Variants in GPR89B observed in about 807,000 individuals in gnomAD.
GPR89B encodes golgi pH regulator B.
Under a neutral mutation model 52.4 loss-of-function variants are expected in GPR89B, and 25 were observed. The ratio of observed to expected loss-of-function variants is 0.48; its 90% CI spans 0.35 to 0.67. The LOEUF (loss-of-function observed/expected upper bound fraction) is 0.67. Ranked by LOEUF, GPR89B falls within the 30% of genes least tolerant of loss-of-function variation. The probability of loss-of-function intolerance (pLI) is 0.01; values close to 1 mark genes in which losing one functional copy is unlikely to be tolerated. For missense variants in GPR89B, 146 were observed against 450.2 expected (o/e 0.32, Z 6.11); for synonymous variants, 52 against 151.2 (o/e 0.34, Z 4.81).
the GPR89B span, among the ~76,000 whole-genome samples, chr1:148,021,489 G>A: frequency 1.3e-5 from 2 of 151,830 alleles, no homozygotes; most frequent in Admixed American, 6.5e-5. Flanking sequence ...GTGACAGAGC[G>A]AGACTCCCCG....
chr1:147,943,855 A>G lies in GPR89B; in HGVS notation c.314-142A>G, dbSNP rs1399027492. ...CTCTTACGATGGTAAGGATGCTTTC[A>G]CTAAAAATTATGCTGTTCATCAGTC... On this transcript the variant is annotated intron_variant, in intron 4 of 13. Coordinates refer to ENST00000314163, the MANE Select transcript of GPR89B (RefSeq NM_016334.5). The G allele has an allele frequency of 1.0e-4, 70 of 678,616 alleles. No homozygotes were observed. In the Middle Eastern group the frequency reaches 1.2e-3, roughly 12 times the overall value. The allele number at this position is 678,616 out of a possible 1,614,324, so 42.0% of individuals were successfully genotyped here.
rs1297404599 is a variant in GPR89B, at chr1:147,956,862, C to T, written c.617+2460C>T. On this transcript the variant is annotated intron_variant, in intron 7 of 13. Transcript: ENST00000314163. ...AAGCAATTCTCCTGCCTCAGCCTCC[C>T]GAGTATCTGGGATTATAGGTGCGCA... Among the ~76,000 whole-genome samples the T allele has an allele frequency of 1.8e-4, 28 of 151,850 alleles. 1 individual carries two copies. Among genetic ancestry groups the T allele is most frequent in the Admixed American group, 1.4e-3 (21 of 15,276 alleles).
chr1:147,944,553 A>T (rs2149045396), intron 5 of GPR89B, among the ~76,000 whole-genome samples: 2 of 121,334 alleles, frequency 1.6e-5, no homozygotes, highest in East Asian at 4.6e-4. Context: ...CCAAAAGGTA[A>T]ACGGCCACTG....
At chr1:147,940,231 G>A (rs1181413968) in intron 3 of GPR89B, among the ~76,000 whole-genome samples, 1 of 151,684 alleles carries the variant, frequency 6.6e-6, no homozygotes, top group Non-Finnish European at 1.5e-5. Flanking sequence ...GTGAAACCCC[G>A]TCTCTACTAA....
Position 147,946,467 on chromosome 1 carries a change from C to CAACGAAGGGAACGACTTGCACTA in GPR89B, c.415+2372_415+2394dup, listed in dbSNP as rs1654983974. On this transcript the variant is annotated intron_variant, in intron 5 of 13. Coordinates refer to ENST00000314163, the MANE Select transcript of GPR89B (RefSeq NM_016334.5). ...TGATCAGCATGCCTATGTCAATGGT[C>CAACGAAGGGAACGACTTGCACTA]AACGAAGGGAACGACTTGCACTAAA... Among the ~76,000 whole-genome samples the CAACGAAGGGAACGACTTGCACTA allele has an allele frequency of 2.0e-5, 3 of 152,150 alleles. No individual in the cohort carries two copies. The South Asian group carries it at 6.2e-4, about 32-fold the overall frequency.
chr1:148,023,125 T>TA, the GPR89B span, among the ~76,000 whole-genome samples: 1 of 150,878 alleles, frequency 6.6e-6, no homozygotes, highest in Non-Finnish European at 1.5e-5. Flanking sequence ...ACAGTGTCTA[T>TA]AGTTCTCAAG....
the GPR89B span, among the ~76,000 whole-genome samples, chr1:148,016,759 T>A: frequency 1.3e-5 from 2 of 151,566 alleles, no homozygotes; most frequent in Non-Finnish European, 2.9e-5. Flanking sequence ...AATAAATGCT[T>A]CCTTTCCTCC....
At chr1:147,982,367 A>T (rs1176156175) in intron 10 of GPR89B, among the ~76,000 whole-genome samples, 1 of 151,038 alleles carries the variant, frequency 6.6e-6, no homozygotes, top group African/African-American at 2.5e-5. Flanking sequence ...GCCTATGTTT[A>T]ACCTTTTAAA....
At chr1:148,000,795 A>AC in the GPR89B span, among the ~76,000 whole-genome samples, 1 of 128,374 alleles carries the variant, frequency 7.8e-6, no homozygotes, top group African/African-American at 3.0e-5. Context: ...AAAAAAAAAA[A>AC]CAACAACAAA....
At chr1:147,963,377 A>T (rs1316030988) in intron 7 of GPR89B, among the ~76,000 whole-genome samples, 498 of 84,222 alleles carry the variant, frequency 5.9e-3, no homozygotes, top group African/African-American at 0.028. Context: ...CTCCTTCTTA[A>T]AAAAAAAAAA....
intron 1 of GPR89B, among the ~76,000 whole-genome samples, chr1:147,932,453 G>A (rs1381168953): frequency 9.2e-5 from 14 of 152,034 alleles, no homozygotes; most frequent in East Asian, 3.9e-4. Context: ...GTTTGCCAAC[G>A]CCAGGAGTTT....
chr1:147,999,374 C>T, the GPR89B span, among the ~76,000 whole-genome samples: 12 of 150,184 alleles, frequency 8.0e-5, no homozygotes, highest in Admixed American at 2.7e-4. Flanking sequence ...TTTGGGAGGC[C>T]GAGGCGGGCG....
At position 147,988,379 on chromosome 1, in the gene GPR89B, T is replaced by TA. The variant is rs1322648980; in HGVS notation, c.1006-52dup. ...AATGATTGGGATATAGCTTAGCCCT[T>TA]ACGTCTCTCTGAACAGAGATTTAGC... On this transcript the variant is annotated intron_variant, in intron 11 of 13. Transcript: ENST00000314163. 4.3e-5 allele frequency: 67 copies of TA among 1,558,400 alleles called. No individual in the cohort carries two copies. In the African/African-American group the frequency reaches 7.9e-4, roughly 18 times the overall value.
the GPR89B span, among the ~76,000 whole-genome samples, chr1:148,015,795 G>T: frequency 2.3e-3 from 350 of 149,304 alleles, 8 homozygotes; most frequent in African/African-American, 7.8e-3. Flanking sequence ...ATAGGATAGA[G>T]GTGCAATTAC....
chr1:147,952,748 T>A (rs1655815513), intron 5 of GPR89B, among the ~76,000 whole-genome samples: 1 of 151,726 alleles, frequency 6.6e-6, no homozygotes, highest in Admixed American at 6.6e-5. Flanking sequence ...TTCAGCATTC[T>A]CACGTGATAT....
At chr1:147,944,909 T>C (rs188996871) in intron 5 of GPR89B, among the ~76,000 whole-genome samples, 48 of 152,182 alleles carry the variant, frequency 3.2e-4, no homozygotes, top group Admixed American at 2.3e-3. Context: ...TATATATATA[T>C]ACCTCTTTAT....
intron 5 of GPR89B, among the ~76,000 whole-genome samples, chr1:147,950,241 C>T (rs587595747): frequency 1.1e-3 from 174 of 151,790 alleles, no homozygotes; most frequent in African/African-American, 3.9e-3. Flanking sequence ...AGAGACGCTC[C>T]TCACCTCCCA....
chr1:147,968,211 T>A (rs1471711926), intron 8 of GPR89B: 1 of 452,820 alleles, frequency 2.2e-6, no homozygotes, highest in African/African-American at 2.0e-5. Flanking sequence ...TCTACCTGAT[T>A]GAGTTCTTGG....
intron 5 of GPR89B, among the ~76,000 whole-genome samples, chr1:147,946,738 C>T (rs587605585): frequency 1.3e-5 from 2 of 152,256 alleles, no homozygotes; most frequent in Admixed American, 1.3e-4. Context: ...AGATGAAGGC[C>T]ATTGTATCTA....
Sources: gnomAD v4.1 joint callset for allele counts (sites outside exome capture counted in the v4.1 genomes callset) on GRCh38, gnomAD v4.1.1 for gene constraint, MANE v1.5 for transcripts, NCBI Gene and HGNC (gene_info 2026-07-23, HGNC 2026-07-21) for gene names.